Variants in HEXA observed in about 807,000 individuals in gnomAD.
HEXA encodes the protein hexosaminidase subunit alpha, also known as beta-hexosaminidase subunit alpha.
Under a neutral mutation model 73.3 loss-of-function variants are expected in HEXA, and 54 were observed. The observed-to-expected ratio is 0.74, with a 90% CI of 0.59 to 0.92. The LOEUF is 0.92. Among genes scored for constraint, HEXA ranks in the 40% least tolerant of loss-of-function variants. The pLI, the probability that HEXA is intolerant of heterozygous loss-of-function variation, is 0.00. For missense variants in HEXA, 649 were observed against 653.0 expected (o/e 0.99, Z 0.07); for synonymous variants, 230 against 246.9 (o/e 0.93, Z 0.64).
At chr15:72,348,940 G>A (rs562881177) in intron 8 of HEXA, 139 bp downstream of exon 8, 4 of 740,766 alleles carry the variant, frequency 5.4e-6, no homozygotes, top group South Asian at 4.5e-5. Flanking sequence ...ATGGGCAGAG[G>A]AAGGCCTAAG....
intron 1 of HEXA, among the ~76,000 whole-genome samples, chr15:72,369,150 T>C (rs1189452279): frequency 6.6e-6 from 1 of 152,188 alleles, no homozygotes; most frequent in African/African-American, 2.4e-5. Flanking sequence ...CTTAAGCAAA[T>C]GCCACAGCTT....
intron 1 of HEXA, chr15:72,358,667 C>G (rs1250935781): frequency 6.6e-6 from 1 of 152,098 alleles, no homozygotes; most frequent in African/African-American, 2.4e-5. Context: ...GGTGAAGAAT[C>G]CCTGTCCGAA....
intron 3 of HEXA, chr15:72,354,045 GA>G: frequency 2.1e-6 from 1 of 472,480 alleles, no homozygotes; most frequent in South Asian, 2.2e-5. Flanking sequence ...AGAATATTGA[GA>G]AGAGAGGCCA....
At chr15:72,352,482 A>G (rs1411286683) in intron 5 of HEXA, among the ~76,000 whole-genome samples, 1 of 152,052 alleles carries the variant, frequency 6.6e-6, no homozygotes, top group East Asian at 1.9e-4. Flanking sequence ...CGCTGTCTCA[A>G]AAACAAATAT....
intron 1 of HEXA, chr15:72,360,097 T>A (rs1242134594): frequency 6.5e-6 from 1 of 152,798 alleles, no homozygotes; most frequent in Non-Finnish European, 1.5e-5. Flanking sequence ...ATCTAGCCAA[T>A]ACTCCCAACG....
chr15:72,374,754 T>C (rs899020122), intron 1 of HEXA, among the ~76,000 whole-genome samples: 3 of 152,214 alleles, frequency 2.0e-5, no homozygotes, highest in Admixed American at 6.5e-5. Flanking sequence ...ACTGATTACA[T>C]AGCTGCCTAA....
At chr15:72,374,103 ACCTC>A (rs58696963) in intron 1 of HEXA, among the ~76,000 whole-genome samples, 121,166 of 151,740 alleles carry the variant, frequency 0.8, 52,399 homozygotes, top group Non-Finnish European at 0.95. Context: ...TTCACTGTGT[ACCTC>A]CCTCTGTTTC....
At chr15:72,348,171 C>G in intron 8 of HEXA, 37 bp from the exon 9 acceptor site, 1 of 1,435,768 alleles carries the variant, frequency 7.0e-7, no homozygotes, top group Non-Finnish European at 9.8e-7. Flanking sequence ...AATCTTTCAA[C>G]ATCCTGAAAG....
At chr15:72,361,162 G>A (rs1416559273) in intron 1 of HEXA, among the ~76,000 whole-genome samples, 1 of 152,146 alleles carries the variant, frequency 6.6e-6, no homozygotes, top group East Asian at 1.9e-4. Flanking sequence ...TACAGCAGTG[G>A]TCAAAACAGA....
At chr15:72,355,647 A>C (rs1239291995) in intron 2 of HEXA, 23 bp from the exon 3 acceptor site, 1 of 1,543,336 alleles carries the variant, frequency 6.5e-7, no homozygotes, top group Non-Finnish European at 9.0e-7. Context: ...AAATGAACTC[A>C]TTTAGTTGGT....
chr15:72,363,758 C>A (rs948231925), intron 1 of HEXA, among the ~76,000 whole-genome samples: 3 of 152,094 alleles, frequency 2.0e-5, no homozygotes, highest in Non-Finnish European at 4.4e-5. Flanking sequence ...AAAAGTTGTA[C>A]CCATCTTTTT....
intron 1 of HEXA, among the ~76,000 whole-genome samples, chr15:72,365,788 T>C (rs2088908418): frequency 6.6e-6 from 1 of 152,260 alleles, no homozygotes; most frequent in African/African-American, 2.4e-5. Flanking sequence ...TGATCATATA[T>C]TAAATTCCCA....
intron 1 of HEXA, chr15:72,370,446 T>A (rs2088974562): frequency 7.6e-6 from 3 of 393,262 alleles, no homozygotes; most frequent in African/African-American, 2.1e-5. Flanking sequence ...ATCTCAGCAC[T>A]CGGGGAGGCC....
Position 72,372,348 on chromosome 15 carries a change from C to CA in HEXA, c.253+3371dup, listed in dbSNP as rs59888548. On this transcript the variant is annotated intron_variant, in intron 1 of 13. Coordinates refer to ENST00000268097, the MANE Select transcript of HEXA (RefSeq NM_000520.6). The stretch of plus-strand genomic sequence containing the variant: ...TGGGCAACAGAGCAAGACTCCATCT[C>CA]AAAAAAAAAAAAAAAATGCAGTCTA... 5.9e-3 allele frequency among the ~76,000 whole-genome samples: 791 copies of CA among 134,280 alleles called. 9 individuals are homozygous for CA. The highest frequency in any genetic ancestry group is 0.018 in the African/African-American group (643 of 35,708). 88.1% of individuals were successfully genotyped at this position (134,280 alleles called of 152,430 possible).
chr15:72,353,636 T>C (rs1202962764), intron 4 of HEXA, 55 bp downstream of exon 4: 4 of 1,359,298 alleles, frequency 2.9e-6, no homozygotes, highest in African/African-American at 2.9e-5. Flanking sequence ...ATTCTCAATA[T>C]TGGGATCCAA....
At chr15:72,347,639 G>A (rs754843008) in intron 10 of HEXA, 47 bp downstream of exon 10, 1 of 1,477,092 alleles carries the variant, frequency 6.8e-7, no homozygotes, top group Admixed American at 1.7e-5. Context: ...GGGGAGACCA[G>A]AGGGAGGCAC....
intron 11 of HEXA, 34 bp from the exon 12 acceptor site, chr15:72,346,359 G>C: frequency 6.3e-7 from 1 of 1,579,140 alleles, no homozygotes; most frequent in Non-Finnish European, 8.7e-7. Context: ...GTCTGGTGAT[G>C]GTGGGGTAAC....
In HEXA at chr15:72,350,648, C is replaced by A. The variant is rs1236823358; in HGVS notation, c.675G>T (p.Gly225=). 1 of 1,608,084 alleles carries A rather than the reference C, an allele frequency of 6.2e-7. No individual in the cohort carries two copies. Among genetic ancestry groups the A allele is most frequent in the African/African-American group, 1.4e-5 (1 of 73,896 alleles). Residue 225 remains glycine, a splice_region_variant and synonymous_variant, in exon 7 of 14, where the codon GGG becomes GGT. Transcript: ENST00000268097. ...SFTFPELMRK[G]SYNPVTHIYT... ...AGATGTGGGTGACAGGGTTGTAGGA[C>A]CCCTGAAAGGCACAAGACACCCTTC...
In HEXA at chr15:72,343,403, C is replaced by G. The variant is rs2088571547; in HGVS notation, c.*674G>C. ...AGAGTTTTTGAGACAGTCTCAAAAA[C>G]AAAAACAACAAAAAAACCCACTACC... On this transcript the variant is annotated 3_prime_UTR_variant, in exon 14 of 14. Coordinates refer to ENST00000268097, the MANE Select transcript of HEXA (RefSeq NM_000520.6). 6.6e-6 allele frequency: 1 copy of G among 151,954 alleles called. No homozygotes were observed. The highest frequency in any genetic ancestry group is 1.9e-4 in the East Asian group (1 of 5,174). 9.4% of individuals were successfully genotyped at this position (151,954 alleles called of 1,614,324 possible).
Sources: allele counts gnomAD v4.1 joint callset (sites outside exome capture counted in the v4.1 genomes callset), GRCh38; gene constraint gnomAD v4.1.1; transcripts MANE v1.5; gene names NCBI Gene and HGNC (gene_info 2026-07-23, HGNC 2026-07-21).